The following ANKRD33B variants were observed in gnomAD, a reference collection of about 807,000 sequenced individuals.
ANKRD33B encodes ankyrin repeat domain-containing protein 33B.
Under a neutral mutation model 21.5 loss-of-function variants are expected in ANKRD33B, and 6 were observed. The ratio of observed to expected loss-of-function variants is 0.28; its 90% CI spans 0.15 to 0.55. ANKRD33B has a LOEUF of 0.55. Ranked by LOEUF, ANKRD33B falls within the 20% of genes least tolerant of loss-of-function variation. ANKRD33B has a pLI of 0.94. For synonymous variants in ANKRD33B, 347 were observed against 342.4 expected (o/e 1.01, Z -0.15); for missense variants, 698 against 747.2 (o/e 0.93, Z 0.77).
intron 2 of ANKRD33B, among the ~76,000 whole-genome samples, chr5:10,628,460 G>A (rs1049488382): frequency 6.6e-6 from 1 of 152,064 alleles, no homozygotes; most frequent in African/African-American, 2.4e-5. Context: ...GGGATTACAG[G>A]CGTGAACCAT....
intron 1 of ANKRD33B, among the ~76,000 whole-genome samples, chr5:10,598,263 A>T (rs975025967): frequency 5.3e-5 from 8 of 151,592 alleles, no homozygotes; most frequent in African/African-American, 1.7e-4. Flanking sequence ...CATATTTTAT[A>T]TTTTGTTTTT....
Position 10,654,169 on chromosome 5 carries a change from A to G in ANKRD33B, c.*4056A>G, listed in dbSNP as rs1043832361. 1 of 152,356 alleles carries G rather than the reference A, an allele frequency of 6.6e-6. No homozygotes were observed. The allele number at this position is 152,356 out of a possible 1,614,324, so 9.4% of individuals were successfully genotyped here. A position where few individuals can be genotyped will look rare whatever the true frequency, so the allele number is the denominator to read the frequency against. ...GTCGGGTTATGGTGGGACCTCCTAG[A>G]CCCCAGAGTGAATGAATGGCAGGCC... On this transcript the variant is annotated 3_prime_UTR_variant, in exon 4 of 4. Transcript: ENST00000296657.
At chr5:10,635,839 G>T (rs551527117) in intron 2 of ANKRD33B, among the ~76,000 whole-genome samples, 169 of 149,460 alleles carry the variant, frequency 1.1e-3, no homozygotes, top group Non-Finnish European at 2.1e-3. Context: ...ATATATCGGA[G>T]GGTTTCATAT....
chr5:10,619,215 C>A lies in ANKRD33B; in HGVS notation c.496+753C>A. On this transcript the variant is annotated intron_variant, in intron 2 of 3. Coordinates refer to ENST00000296657, the MANE Select transcript of ANKRD33B (RefSeq NM_001164440.2). The surrounding 1 kb of genome is among the most constrained non-coding windows in gnomAD (Gnocchi z 4.5). ...TTGCCTCCAAAGATTCTGTCTGTTT[C>A]ATCGGTCAAGTTCTCAGTTGCAAGC... 1.3e-6 allele frequency: 1 copy of A among 760,968 alleles called. No individual in the cohort carries two copies. Among genetic ancestry groups the A allele is most frequent in the Non-Finnish European group, 1.6e-6 (1 of 625,332 alleles). The allele number at this position is 760,968 out of a possible 1,614,324, so 47.1% of individuals were successfully genotyped here. A position where few individuals can be genotyped will look rare whatever the true frequency, so the allele number is the denominator to read the frequency against.
intron 1 of ANKRD33B, among the ~76,000 whole-genome samples, chr5:10,588,652 C>T (rs957559903): frequency 6.6e-6 from 1 of 152,218 alleles, no homozygotes; most frequent in Non-Finnish European, 1.5e-5. Context: ...GTTTTAAAAT[C>T]CAGCGTATGA....
intron 1 of ANKRD33B, among the ~76,000 whole-genome samples, chr5:10,615,763 A>C (rs919945751): frequency 1.5e-4 from 23 of 152,292 alleles, no homozygotes; most frequent in African/African-American, 5.5e-4. Flanking sequence ...AAGTCAGGAA[A>C]TTGTAGAATA....
intron 1 of ANKRD33B, among the ~76,000 whole-genome samples, chr5:10,609,905 T>G (rs567425837): frequency 6.6e-6 from 1 of 151,528 alleles, no homozygotes; most frequent in East Asian, 1.9e-4. Flanking sequence ...TGAGACTCCA[T>G]CTAAAAAAAA....
chr5:10,656,187 A>G lies in ANKRD33B; in HGVS notation c.*6074A>G, dbSNP rs565495798. ...GGTTCCTTCATTAACATTTTAAATA[A>G]GTGGCTAAAAAAACTCCTCTGGAGG... On this transcript the variant is annotated 3_prime_UTR_variant, in exon 4 of 4. Transcript: ENST00000296657. 3.0e-3 allele frequency: 453 copies of G among 152,434 alleles called. No homozygotes were observed. Among genetic ancestry groups the G allele is most frequent in the Non-Finnish European group, 5.1e-3 (347 of 68,026 alleles). The allele number at this position is 152,434 out of a possible 1,614,324, so 9.4% of individuals were successfully genotyped here. A position where few individuals can be genotyped will look rare whatever the true frequency, so the allele number is the denominator to read the frequency against.
intron 2 of ANKRD33B, among the ~76,000 whole-genome samples, chr5:10,637,408 G>T (rs1306458045): frequency 2.2e-5 from 3 of 135,712 alleles, no homozygotes; most frequent in Non-Finnish European, 4.7e-5. Context: ...TGGGATGTGT[G>T]TGGGCGTAGG....
chr5:10,639,204 G>A (rs1276879157), intron 3 of ANKRD33B, among the ~76,000 whole-genome samples: 14 of 39,296 alleles, frequency 3.6e-4, no homozygotes, highest in African/African-American at 1.2e-3. Flanking sequence ...GCGGTGACGT[G>A]GAGTTGCGCG....
At position 10,650,001 on chromosome 5, in the gene ANKRD33B, G is replaced by A; in HGVS notation, c.1373G>A (p.Trp458Ter). 1 of 1,533,618 alleles carries A rather than the reference G, an allele frequency of 6.5e-7. No individual in the cohort carries two copies. Among genetic ancestry groups the A allele is most frequent in the Non-Finnish European group, 8.7e-7 (1 of 1,144,866 alleles). ...AGCGGCCACCTGCAGATCCCCAAGT[G>A]GCGGTACAAGGAGGCCAAGGAGGAG... ...KDSGHLQIPKWRYKEAKEEKR... is the reference protein window; with the variant it reads ...KDSGHLQIPK Residue 458 changes from tryptophan (W) to a stop codon, truncating the protein, a stop_gained, in exon 4 of 4, where the codon TGG (tryptophan) becomes TAG (stop). Coordinates refer to ENST00000296657, the MANE Select transcript of ANKRD33B (RefSeq NM_001164440.2). LOFTEE classifies it high-confidence loss of function.
At chr5:10,613,792 T>G (rs1457222272) in intron 1 of ANKRD33B, among the ~76,000 whole-genome samples, 1 of 151,358 alleles carries the variant, frequency 6.6e-6, no homozygotes, top group East Asian at 2.0e-4. Flanking sequence ...CCCAGCTACT[T>G]AGCAAGCTGA....
At chr5:10,593,224 A>G (rs56035434) in intron 1 of ANKRD33B, among the ~76,000 whole-genome samples, 55,366 of 151,912 alleles carry the variant, frequency 0.36, 11,284 homozygotes, top group East Asian at 0.59. Flanking sequence ...CAACTGGCAT[A>G]ATAGGACTCT....
chr5:10,601,739 G>C (rs1357368973), intron 1 of ANKRD33B, among the ~76,000 whole-genome samples: 1 of 152,270 alleles, frequency 6.6e-6, no homozygotes, highest in East Asian at 1.9e-4. Context: ...CTCCGTGGAT[G>C]TGCTGGTTTA....
chr5:10,620,194 C>T (rs775569954), intron 2 of ANKRD33B, among the ~76,000 whole-genome samples: 5 of 151,904 alleles, frequency 3.3e-5, no homozygotes, highest in Non-Finnish European at 5.9e-5. Context: ...AGGGAAGGGC[C>T]GGGAGCTGTG....
chr5:10,644,225 G>C (rs1737139662), intron 3 of ANKRD33B, among the ~76,000 whole-genome samples: 1 of 152,166 alleles, frequency 6.6e-6, no homozygotes, highest in African/African-American at 2.4e-5. Context: ...GTATAACCGG[G>C]TTCTGAGAGG....
intron 1 of ANKRD33B, among the ~76,000 whole-genome samples, chr5:10,594,627 G>A (rs1266510267): frequency 1.3e-5 from 2 of 152,162 alleles, no homozygotes; most frequent in Non-Finnish European, 2.9e-5. Context: ...TGGGGTTCAC[G>A]ACCTCAAAAC....
chr5:10,564,384 G>C lies in ANKRD33B; in HGVS notation c.-84G>C, dbSNP rs1258936421. The C allele has an allele frequency of 1.1e-6, 1 of 930,600 alleles. No individual in the cohort carries two copies. The highest frequency in any genetic ancestry group is 1.3e-6 in the Non-Finnish European group (1 of 774,822). The allele number at this position is 930,600 out of a possible 1,614,324, so 57.6% of individuals were successfully genotyped here. On this transcript the variant is annotated 5_prime_UTR_variant, in exon 1 of 4. Transcript: ENST00000296657. ...ACGGCTTCTCTGGGGACGCAGAAGC[G>C]AGAAGCGGGGACCTCGGCGCGCGCC...
At chr5:10,565,956 G>T (rs1287704138) in intron 1 of ANKRD33B, among the ~76,000 whole-genome samples, 2 of 152,222 alleles carry the variant, frequency 1.3e-5, no homozygotes, top group Non-Finnish European at 2.9e-5. Flanking sequence ...ATCCTGCAGT[G>T]GGTGGGGCAA....
Sources: allele counts gnomAD v4.1 joint callset (sites outside exome capture counted in the v4.1 genomes callset), GRCh38; gene constraint gnomAD v4.1.1; non-coding constraint Gnocchi (gnomAD v3.1); transcripts MANE v1.5; gene names NCBI Gene and HGNC (gene_info 2026-07-23, HGNC 2026-07-21).